HYKK: variants seen among roughly 807,000 people sequenced by gnomAD.
HYKK encodes hydroxylysine kinase.
In HYKK, 19 loss-of-function variants were observed where a neutral mutation model predicts 29.7. The ratio of observed to expected loss-of-function variants is 0.64; its 90% CI spans 0.45 to 0.94. HYKK has a LOEUF of 0.94. Ranked by LOEUF, HYKK falls within the 40% of genes least tolerant of loss-of-function variation. The pLI is 0.00. For synonymous variants in HYKK, 152 were observed against 158.1 expected (o/e 0.96, Z 0.29); for missense variants, 390 against 443.4 (o/e 0.88, Z 1.08).
At chr15:78,512,906 T>C (rs1220102757) in intron 1 of HYKK, among the ~76,000 whole-genome samples, 178 bp from the exon 2 acceptor site, 1 of 152,224 alleles carries the variant, frequency 6.6e-6, no homozygotes, top group Non-Finnish European at 1.5e-5. Context: ...TGTCAAATCA[T>C]CTACTTCTTG....
rs2052337499 is a variant in HYKK, at chr15:78,533,950, C to T, written c.*280C>T. The T allele has an allele frequency of 2.8e-6, 1 of 352,024 alleles. No individual in the cohort carries two copies. Among genetic ancestry groups the T allele is most frequent in the South Asian group, 4.6e-5 (1 of 21,622 alleles). 21.8% of individuals were successfully genotyped at this position (352,024 alleles called of 1,614,324 possible). A position where few individuals can be genotyped will look rare whatever the true frequency, so the allele number is the denominator to read the frequency against. ...ATGATACCATTTTGAAGCAGATAAT[C>T]TCACAAGATCTATTCCTGCCCTGAG... is the stretch of plus-strand genomic sequence containing the variant. On this transcript the variant is annotated 3_prime_UTR_variant, in exon 5 of 5. Transcript: ENST00000388988.
At chr15:78,526,139 A>G (rs2052252178) in intron 3 of HYKK, among the ~76,000 whole-genome samples, 1 of 152,224 alleles carries the variant, frequency 6.6e-6, no homozygotes, top group South Asian at 2.1e-4. Flanking sequence ...GAGTGGTCAA[A>G]GTCTAAAGGC....
chr15:78,515,062 G>A lies in HYKK; in HGVS notation c.432G>A (p.Leu144=), dbSNP rs375151836. The change falls in exon 3 of 5, where the codon TTG becomes TTA. Residue 144 remains leucine, a synonymous_variant. Transcript: ENST00000388988. Reference sequence around the variant, plus strand: ...AGCTTCCCGTCAGCCCCCAGCTATTGTATGAAATTGGAAAACTAGCTGCCA... The same window carrying A: ...AGCTTCCCGTCAGCCCCCAGCTATTATATGAAATTGGAAAACTAGCTGCCA... ...IAELPVSPQL[L]YEIGKLAAKL... is the part of the protein sequence containing the mutation. 3.1e-6 allele frequency: 5 copies of A among 1,599,936 alleles called. No homozygotes were observed. Among genetic ancestry groups the A allele is most frequent in the East Asian group, 2.3e-5 (1 of 43,618 alleles).
At chr15:78,514,017 C>G (rs1158161265) in intron 2 of HYKK, among the ~76,000 whole-genome samples, 1 of 152,062 alleles carries the variant, frequency 6.6e-6, no homozygotes, top group Non-Finnish European at 1.5e-5. Context: ...GTCTTGAACT[C>G]CTGGCCTCAA....
intron 4 of HYKK, among the ~76,000 whole-genome samples, chr15:78,530,138 A>AT (rs1330800848): frequency 6.6e-6 from 1 of 151,294 alleles, no homozygotes; most frequent in Non-Finnish European, 1.5e-5. Flanking sequence ...GGCCCCTGTT[A>AT]TTTTTTTACA....
chr15:78,537,370 AC>A (rs941347749), downstream of HYKK: 17 of 605,354 alleles, frequency 2.8e-5, no homozygotes, highest in African/African-American at 5.6e-5. Flanking sequence ...GAATGAACAC[AC>A]CACTACAAGT....
intron 3 of HYKK, among the ~76,000 whole-genome samples, chr15:78,522,702 C>A (rs1334222268): frequency 2.6e-5 from 4 of 151,874 alleles, no homozygotes; most frequent in African/African-American, 7.3e-5. Context: ...CATGATAAAA[C>A]CCTGTCTGTA....
intron 1 of HYKK, among the ~76,000 whole-genome samples, chr15:78,511,394 A>G (rs2052071339): frequency 6.6e-6 from 1 of 152,102 alleles, no homozygotes; most frequent in Non-Finnish European, 1.5e-5. Flanking sequence ...GAAAGAAAAC[A>G]GTCTCCTCCC....
chr15:78,515,869 T>C (rs2052128126), intron 3 of HYKK, among the ~76,000 whole-genome samples: 8 of 152,198 alleles, frequency 5.3e-5, no homozygotes, highest in Admixed American at 3.9e-4. Flanking sequence ...ATTACAGGCG[T>C]GAGCCACTGT....
At position 78,533,529 on chromosome 15, in the gene HYKK, C is replaced by T. The variant is rs1400065331; in HGVS notation, c.981C>T (p.Tyr327=). 4 of 1,538,066 alleles carry T rather than the reference C, an allele frequency of 2.6e-6. No individual in the cohort carries two copies. Among genetic ancestry groups the T allele is most frequent in the East Asian group, 2.5e-5 (1 of 39,342 alleles). The change falls in exon 5 of 5, where the codon TAC becomes TAT. Residue 327 remains tyrosine, a synonymous_variant. Coordinates refer to ENST00000388988, the MANE Select transcript of HYKK (RefSeq NM_001013619.4). ...TGGCTGCATACTCTTGCCAGCTATA[C>T]CCAGAGAACAAAGACTATCTCATGG... ...LVMAAYSCQL[Y]PENKDYLMVT...
intron 3 of HYKK, 47 bp downstream of exon 3, chr15:78,515,154 G>T: frequency 7.1e-7 from 1 of 1,405,698 alleles, no homozygotes; most frequent in South Asian, 1.4e-5. Flanking sequence ...TTGTTTGCTT[G>T]TTATTTTATT....
chr15:78,527,613 T>C, intron 4 of HYKK, 50 bp downstream of exon 4: 1 of 1,597,942 alleles, frequency 6.3e-7, no homozygotes, highest in Non-Finnish European at 8.5e-7. Flanking sequence ...AACTGTCCAA[T>C]TTCATATCAT....
chr15:78,521,136 T>C (rs985098760), intron 3 of HYKK, among the ~76,000 whole-genome samples: 7 of 152,188 alleles, frequency 4.6e-5, no homozygotes, highest in African/African-American at 7.2e-5. Flanking sequence ...GGTTGGGCCA[T>C]TGAAGCTTCC....
chr15:78,527,252 C>A lies in HYKK; in HGVS notation c.478-128C>A, dbSNP rs1299741818. On this transcript the variant is annotated intron_variant, in intron 3 of 4. Coordinates refer to ENST00000388988, the MANE Select transcript of HYKK (RefSeq NM_001013619.4). ...AGTGAGTCGAGATCGTGCCACTGCA[C>A]TCCTGCCTGGGCGGCAGAGTAAGAC... The A allele has an allele frequency of 4.0e-6, 3 of 757,902 alleles. No individual in the cohort carries two copies. The East Asian group carries it at 8.1e-5, about 20-fold the overall frequency. The allele number at this position is 757,902 out of a possible 1,614,324, so 46.9% of individuals were successfully genotyped here. A position where few individuals can be genotyped will look rare whatever the true frequency, so the allele number is the denominator to read the frequency against.
Position 78,535,289 on chromosome 15 carries a change from CTT to C in HYKK, c.*1633_*1634del, listed in dbSNP as rs58709975. ...ATTTCTTTTTCTTTTCTTTTCTTTT[CTT>C]TTTTTTTTTTTTTGGTGGTGGGGCG... On this transcript the variant is annotated 3_prime_UTR_variant, in exon 5 of 5. Transcript: ENST00000388988. 33 of 130,942 alleles carry C rather than the reference CTT, an allele frequency of 2.5e-4. No individual in the cohort carries two copies. The highest frequency in any genetic ancestry group is 2.0e-3 in the East Asian group (9 of 4,602). The allele number at this position is 130,942 out of a possible 1,614,324, so 8.1% of individuals were successfully genotyped here. A position where few individuals can be genotyped will look rare whatever the true frequency, so the allele number is the denominator to read the frequency against.
rs1005019126 is a variant in HYKK at position 78,520,552 on chromosome 15, G to C, written c.477+5445G>C. Among the ~76,000 whole-genome samples the C allele has an allele frequency of 4.7e-4, 71 of 152,240 alleles. 2 individuals carry two copies. The South Asian group carries it at 0.014, about 31-fold the overall frequency. ...GCATGTTTCAGAGAGCACAGGGTTG[G>C]GGGTAAGGTCACAGATCAACAGGAT... On this transcript the variant is annotated intron_variant, in intron 3 of 4. Transcript: ENST00000388988.
intron 1 of HYKK, among the ~76,000 whole-genome samples, chr15:78,510,960 T>C (rs865909217): frequency 8.5e-6 from 1 of 118,220 alleles, no homozygotes; most frequent in Admixed American, 7.9e-5. Context: ...ATGAGATTCT[T>C]TTTTTTTTTT....
intron 4 of HYKK, 61 bp downstream of exon 4, chr15:78,527,624 C>A (rs1030835294): frequency 6.3e-7 from 1 of 1,589,450 alleles, no homozygotes. Flanking sequence ...TTCATATCAT[C>A]AGAAAAGTAT....
intron 1 of HYKK, among the ~76,000 whole-genome samples, chr15:78,509,924 C>T (rs2052054324): frequency 6.6e-6 from 1 of 152,158 alleles, no homozygotes; most frequent in Non-Finnish European, 1.5e-5. Context: ...CTTGCAGTAA[C>T]AGGTGATGGA....
Sources: gnomAD v4.1 joint callset for allele counts (sites outside exome capture counted in the v4.1 genomes callset) on GRCh38, gnomAD v4.1.1 for gene constraint, MANE v1.5 for transcripts, NCBI Gene and HGNC (gene_info 2026-07-23, HGNC 2026-07-21) for gene names.